The following STX5 variants were observed in gnomAD, a reference collection of about 807,000 sequenced individuals.
STX5 encodes the protein syntaxin 5.
A neutral mutation model predicts 42.9 loss-of-function variants in STX5; 15 were observed. The observed-to-expected ratio is 0.35, with a 90% confidence interval of 0.23 to 0.54. The LOEUF (loss-of-function observed/expected upper bound fraction) is 0.54, where lower values mean the gene tolerates loss of function less well. Ranked by LOEUF, STX5 falls within the 20% of genes least tolerant of loss-of-function variation. The pLI is 0.91. For synonymous variants in STX5, 184 were observed against 173.2 expected (o/e 1.06, Z -0.49); for missense variants, 430 against 455.0 (o/e 0.95, Z 0.50).
intron 10 of STX5, among the ~76,000 whole-genome samples, chr11:62,823,312 C>A (rs763845458): frequency 2.6e-4 from 39 of 151,870 alleles, no homozygotes; most frequent in Admixed American, 1.3e-3. Flanking sequence ...GTAGCTGGAA[C>A]CACAGGCACA....
chr11:62,818,706 A>G (rs1269094367), intron 10 of STX5, among the ~76,000 whole-genome samples: 6 of 150,426 alleles, frequency 4.0e-5, no homozygotes, highest in Admixed American at 2.6e-4. Flanking sequence ...AAAAAAAAAG[A>G]AAAAAAATCA....
At chr11:62,824,880 C>T (rs1298756353) in intron 8 of STX5, 156 bp downstream of exon 8, 20 of 691,344 alleles carry the variant, frequency 2.9e-5, no homozygotes, top group Middle Eastern at 2.4e-4. Flanking sequence ...ATGTGGATCA[C>T]GAATCTCAAC....
At chr11:62,819,357 C>T (rs1420693561) in intron 10 of STX5, among the ~76,000 whole-genome samples, 1 of 129,590 alleles carries the variant, frequency 7.7e-6, no homozygotes, top group Non-Finnish European at 1.6e-5. Context: ...ATCTCCACTA[C>T]AAAAAAAAAA....
At chr11:62,815,875 T>C (rs2084667802) in intron 10 of STX5, 1 of 152,120 alleles carries the variant, frequency 6.6e-6, no homozygotes, top group Admixed American at 6.6e-5. Flanking sequence ...AATTTTATTC[T>C]AGTTTCAGGG....
rs1222209373 is a variant in STX5 at position 62,824,441 on chromosome 11, A to T, written c.786+18T>A. ...GATAATGGAGAAGCTGATTCTACCT[A>T]GTTCAGAGCCTGGGTACCTGCTCGT... On this transcript the variant is annotated intron_variant, in intron 9 of 10. Coordinates refer to ENST00000294179, the MANE Select transcript of STX5 (RefSeq NM_003164.5). 3 of 1,614,026 alleles carry T rather than the reference A, an allele frequency of 1.9e-6. No individual in the cohort carries two copies. Among genetic ancestry groups the T allele is most frequent in the Non-Finnish European group, 2.5e-6 (3 of 1,179,944 alleles).
At chr11:62,827,656 C>A (rs749216996) in intron 2 of STX5, 25 bp from the exon 3 acceptor site, 8 of 1,613,932 alleles carry the variant, frequency 5.0e-6, no homozygotes, top group Non-Finnish European at 6.8e-6. Flanking sequence ...CAGGAGGTGA[C>A]AACTTTAGTT....
chr11:62,828,910 C>T (rs1044349082), intron 2 of STX5, among the ~76,000 whole-genome samples: 1 of 151,756 alleles, frequency 6.6e-6, no homozygotes, highest in Non-Finnish European at 1.5e-5. Context: ...ACTAAAAATA[C>T]AAAAATTAGC....
chr11:62,809,836 G>C (rs2134804538), intron 10 of STX5, among the ~76,000 whole-genome samples: 1 of 152,142 alleles, frequency 6.6e-6, no homozygotes, highest in East Asian at 1.9e-4. Flanking sequence ...GAATGTGGTG[G>C]CTCACGCCGA....
At position 62,831,159 on chromosome 11, in the gene STX5, C is replaced by G; in HGVS notation, c.85G>C (p.Ala29Pro). The change falls in exon 2 of 11, where the codon GCA becomes CCA. Residue 29 changes from alanine (A) to proline (P), a missense_variant. Coordinates refer to ENST00000294179, the MANE Select transcript of STX5 (RefSeq NM_003164.5). ...GLSKTQVLSP[A>P]TAGSSSSDIA... ...TCGCTGCTGCTACTGCCAGCAGTTG[C>G]AGGGGACAGGACCTGTGTCTTTGAG... is the stretch of plus-strand genomic sequence containing the variant. 11 of 1,561,572 alleles carry G rather than the reference C, an allele frequency of 7.0e-6. No individual in the cohort carries two copies. Among genetic ancestry groups the G allele is most frequent in the Non-Finnish European group, 9.5e-6 (11 of 1,152,372 alleles).
intron 10 of STX5, among the ~76,000 whole-genome samples, chr11:62,815,004 A>G (rs968706195): frequency 1.3e-5 from 2 of 151,910 alleles, no homozygotes; most frequent in Non-Finnish European, 2.9e-5. Context: ...CAGATAGGAT[A>G]ACTGGGTGTC....
rs1235035673 is a variant in STX5 at position 62,825,543 on chromosome 11, G to T, written c.424-4C>A. 1.9e-6 allele frequency: 3 copies of T among 1,613,010 alleles called. No individual in the cohort carries two copies. Among genetic ancestry groups the T allele is most frequent in the East Asian group, 4.5e-5 (2 of 44,880 alleles). On this transcript the variant is annotated splice_region_variant and splice_polypyrimidine_tract_variant and intron_variant, in intron 5 of 10. Coordinates refer to ENST00000294179, the MANE Select transcript of STX5 (RefSeq NM_003164.5). ...GTTTGTTGAGGCTATTGATGTCCTG[G>T]TAAAAGAGTCCAAGGAAAAACAAAG... is the stretch of plus-strand genomic sequence containing the variant.
At chr11:62,818,878 AAAC>A (rs2084705635) in intron 10 of STX5, among the ~76,000 whole-genome samples, 1 of 151,308 alleles carries the variant, frequency 6.6e-6, no homozygotes, top group Admixed American at 6.6e-5. Context: ...AAAAAAGAAA[AAAC>A]AACTGTATAT....
Position 62,824,032 on chromosome 11 carries a change from G to A in STX5, c.908+134C>T, listed in dbSNP as rs2084766647. The A allele has an allele frequency of 3.5e-6, 5 of 1,432,484 alleles. No homozygotes were observed. The East Asian group carries it at 1.1e-4, about 33-fold the overall frequency. The allele number at this position is 1,432,484 out of a possible 1,614,324, so 88.7% of individuals were successfully genotyped here. ...AAACTTGTTGGGTGGATGGAAGCAG[G>A]TGAACTGGGTCCCATGGGTGGGCAG... On this transcript the variant is annotated intron_variant, in intron 10 of 10. Coordinates refer to ENST00000294179, the MANE Select transcript of STX5 (RefSeq NM_003164.5).
chr11:62,831,560 G>A (rs977721562), intron 1 of STX5, among the ~76,000 whole-genome samples: 4 of 152,080 alleles, frequency 2.6e-5, no homozygotes, highest in African/African-American at 9.7e-5. Context: ...ACTCCGGCCC[G>A]GCCCGTGTAA....
chr11:62,829,759 T>C (rs1360260762), intron 2 of STX5, among the ~76,000 whole-genome samples: 1 of 151,162 alleles, frequency 6.6e-6, no homozygotes, highest in African/African-American at 2.4e-5. Flanking sequence ...AGTGAGACCA[T>C]GTTTCCAAAA....
At chr11:62,814,443 G>A (rs896458293) in intron 10 of STX5, among the ~76,000 whole-genome samples, 1 of 148,384 alleles carries the variant, frequency 6.7e-6, no homozygotes, top group Non-Finnish European at 1.5e-5. Flanking sequence ...TTACAGGTGT[G>A]AGCCACCGCA....
chr11:62,822,490 T>C (rs984381073), intron 10 of STX5, among the ~76,000 whole-genome samples: 15 of 152,196 alleles, frequency 9.9e-5, no homozygotes, highest in South Asian at 2.1e-4. Context: ...CTCTTCCTCA[T>C]TGATCCCAGC....
At chr11:62,811,676 T>C (rs1414257221) in intron 10 of STX5, among the ~76,000 whole-genome samples, 2 of 151,012 alleles carry the variant, frequency 1.3e-5, no homozygotes, top group Admixed American at 6.6e-5. Flanking sequence ...TTTTTTTTAA[T>C]AGACACGGGG....
chr11:62,827,231 GAGAC>G lies in STX5; in HGVS notation c.353-10_353-7del. ...GAGGGACTTGCGCTTTGCCACTACA[GAGAC>G]AAACAAGAAGCCACAATGGGTGAGG... is the stretch of plus-strand genomic sequence containing the variant. On this transcript the variant is annotated splice_region_variant and splice_polypyrimidine_tract_variant and intron_variant, in intron 4 of 10. Coordinates refer to ENST00000294179, the MANE Select transcript of STX5 (RefSeq NM_003164.5). 1 of 1,614,140 alleles carries G rather than the reference GAGAC, an allele frequency of 6.2e-7. No individual in the cohort carries two copies. The highest frequency in any genetic ancestry group is 8.5e-7 in the Non-Finnish European group (1 of 1,180,014).
Sources: allele counts gnomAD v4.1 joint callset (sites outside exome capture counted in the v4.1 genomes callset), GRCh38; gene constraint gnomAD v4.1.1; transcripts MANE v1.5; gene names NCBI Gene and HGNC (gene_info 2026-07-23, HGNC 2026-07-21).